PSMB7: variants seen among roughly 807,000 people sequenced by gnomAD.
PSMB7 encodes proteasome subunit beta type-7.
PSMB7 carries 5 observed loss-of-function variants against 28.1 expected under a neutral mutation model. The ratio of observed to expected loss-of-function variants is 0.18; its 90% CI spans 0.09 to 0.37. PSMB7 has a LOEUF of 0.37. Among genes scored for constraint, PSMB7 ranks in the 10% least tolerant of loss-of-function variants. The pLI, the probability that PSMB7 is intolerant of heterozygous loss-of-function variation, is 1.00. For synonymous variants in PSMB7, 122 were observed against 123.7 expected, an observed-to-expected ratio of 0.99 and a Z score of 0.09; for missense variants, 275 against 346.2, an observed-to-expected ratio of 0.79 and a Z score of 1.63.
intron 6 of PSMB7, among the ~76,000 whole-genome samples, chr9:124,360,501 T>C (rs1032465884): frequency 2.6e-5 from 4 of 152,236 alleles, no homozygotes; most frequent in African/African-American, 7.2e-5. Context: ...CAGGGAGGCA[T>C]CTGCCCCCAG....
At chr9:124,355,147 G>C (rs1830389677) in intron 7 of PSMB7, among the ~76,000 whole-genome samples, 2 of 152,250 alleles carry the variant, frequency 1.3e-5, no homozygotes, top group South Asian at 4.1e-4. Flanking sequence ...ACAGAGTCCA[G>C]GGAGCTTGGA....
intron 4 of PSMB7, among the ~76,000 whole-genome samples, chr9:124,411,973 T>TG (rs1212440121): frequency 7.5e-6 from 1 of 132,640 alleles, no homozygotes; most frequent in Non-Finnish European, 1.6e-5. Context: ...AGGGAGGGGG[T>TG]GGGGGGAAGG....
intron 6 of PSMB7, among the ~76,000 whole-genome samples, chr9:124,373,842 C>T (rs2131152655): frequency 6.6e-6 from 1 of 152,320 alleles, no homozygotes; most frequent in African/African-American, 2.4e-5. Context: ...CTGGTAGTTC[C>T]ACAAAAGGTT....
At chr9:124,362,706 C>T (rs199668708) in intron 6 of PSMB7, among the ~76,000 whole-genome samples, 1 of 4,912 alleles carries the variant, frequency 2.0e-4, no homozygotes, top group African/African-American at 3.0e-4. Flanking sequence ...TGAAAAACAG[C>T]TAAGATTTAA....
At chr9:124,385,903 G>A (rs781725272) in intron 5 of PSMB7, among the ~76,000 whole-genome samples, 1 of 152,136 alleles carries the variant, frequency 6.6e-6, no homozygotes, top group Non-Finnish European at 1.5e-5. Flanking sequence ...AATTTAAAGG[G>A]TAGAAACAGC....
intron 5 of PSMB7, among the ~76,000 whole-genome samples, chr9:124,397,123 C>T (rs1830850699): frequency 6.6e-6 from 1 of 152,210 alleles, no homozygotes; most frequent in South Asian, 2.1e-4. Context: ...TTCCCATTCT[C>T]ACTCACATAC....
At chr9:124,367,764 C>A (rs922688404) in intron 6 of PSMB7, among the ~76,000 whole-genome samples, 1 of 152,142 alleles carries the variant, frequency 6.6e-6, no homozygotes, top group South Asian at 2.1e-4. Flanking sequence ...GAGGATGATA[C>A]GAAGTGTCAT....
At chr9:124,414,448 C>T (rs1232124343) in intron 2 of PSMB7, among the ~76,000 whole-genome samples, 1 of 152,100 alleles carries the variant, frequency 6.6e-6, no homozygotes, top group Non-Finnish European at 1.5e-5. Context: ...CCATTTGATG[C>T]ATCTGAAGGT....
At chr9:124,387,281 T>C (rs540887029) in intron 5 of PSMB7, among the ~76,000 whole-genome samples, 1 of 152,282 alleles carries the variant, frequency 6.6e-6, no homozygotes, top group South Asian at 2.1e-4. Flanking sequence ...ACCTTTTTCC[T>C]GCCTAGAAAC....
At chr9:124,385,831 C>T (rs947593358) in intron 5 of PSMB7, among the ~76,000 whole-genome samples, 5 of 152,136 alleles carry the variant, frequency 3.3e-5, no homozygotes, top group African/African-American at 9.7e-5. Context: ...GACAGCAACG[C>T]CGCATTGAGA....
chr9:124,395,822 C>G (rs1448286259), intron 5 of PSMB7, among the ~76,000 whole-genome samples: 1 of 152,160 alleles, frequency 6.6e-6, no homozygotes, highest in African/African-American at 2.4e-5. Flanking sequence ...TTCTAGAATC[C>G]TAAGTGATAC....
intron 6 of PSMB7, among the ~76,000 whole-genome samples, chr9:124,379,855 C>G (rs1266551774): frequency 6.6e-6 from 1 of 152,200 alleles, no homozygotes; most frequent in African/African-American, 2.4e-5. Context: ...AGAAAAGGTC[C>G]CTTCCATTTC....
chr9:124,355,348 G>C (rs182904264), intron 7 of PSMB7, among the ~76,000 whole-genome samples: 5 of 152,340 alleles, frequency 3.3e-5, no homozygotes, highest in African/African-American at 1.2e-4. Context: ...GTCCCAGGAA[G>C]TAGGATGTGC....
chr9:124,385,968 C>T (rs1205808135), intron 5 of PSMB7, among the ~76,000 whole-genome samples: 1 of 152,152 alleles, frequency 6.6e-6, no homozygotes, highest in Non-Finnish European at 1.5e-5. Flanking sequence ...ATGACAGATA[C>T]TCCTGTTAGG....
intron 4 of PSMB7, 67 bp downstream of exon 4, chr9:124,412,285 C>G: frequency 6.7e-7 from 1 of 1,501,354 alleles, no homozygotes; most frequent in Non-Finnish European, 9.1e-7. Flanking sequence ...CCAGGCTTCT[C>G]TTGGCTGAAA....
At position 124,398,084 on chromosome 9, in the gene PSMB7, G is replaced by C. The variant is rs533790753; in HGVS notation, c.511+7233C>G. Among the ~76,000 whole-genome samples the C allele has an allele frequency of 5.3e-5, 8 of 151,884 alleles. No individual in the cohort carries two copies. In the East Asian group the frequency reaches 1.5e-3, roughly 29 times the overall value. ...CCAGCTACTTGGGAGGCGGAGGCAG[G>C]ATCACTTGAACCCAGGAGGTGGAGG... On this transcript the variant is annotated intron_variant, in intron 5 of 7. Coordinates refer to ENST00000259457, the MANE Select transcript of PSMB7 (RefSeq NM_002799.4).
At chr9:124,354,964 C>G (rs1420747246) in intron 7 of PSMB7, among the ~76,000 whole-genome samples, 1 of 152,240 alleles carries the variant, frequency 6.6e-6, no homozygotes, top group Non-Finnish European at 1.5e-5. Flanking sequence ...AGACCGTGTG[C>G]TGGAGGGCTG....
intron 6 of PSMB7, among the ~76,000 whole-genome samples, chr9:124,382,565 G>C (rs1830679002): frequency 6.6e-6 from 1 of 152,092 alleles, no homozygotes; most frequent in South Asian, 2.1e-4. Flanking sequence ...TGTGCATGTG[G>C]TTTCAATAAC....
chr9:124,384,039 C>T (rs1830693935), intron 6 of PSMB7: 1 of 152,150 alleles, frequency 6.6e-6, no homozygotes, highest in Non-Finnish European at 1.5e-5. Flanking sequence ...CACCTTCCCC[C>T]ACCACCAAAG....
Sources: allele counts gnomAD v4.1 joint callset (sites outside exome capture counted in the v4.1 genomes callset), GRCh38; gene constraint gnomAD v4.1.1; transcripts MANE v1.5; gene names NCBI Gene and HGNC (gene_info 2026-07-23, HGNC 2026-07-21).